Variants in CYP4F2 observed in about 807,000 individuals in gnomAD.
CYP4F2 encodes cytochrome P450 family 4 subfamily F member 2.
In CYP4F2, 58 loss-of-function variants were observed where a neutral mutation model predicts 58.9. The ratio of observed to expected loss-of-function variants is 0.98; its 90% CI spans 0.80 to 1.23. CYP4F2 has a LOEUF of 1.23. Among genes scored for constraint, CYP4F2 ranks in the 50% most tolerant of loss-of-function variants. The pLI is 0.00. For missense variants in CYP4F2, 616 were observed against 685.6 expected (o/e 0.90, Z 1.13); for synonymous variants, 287 against 261.1 (o/e 1.10, Z -0.95).
chr19:15,882,855 T>TA (rs1453031499), intron 9 of CYP4F2, among the ~76,000 whole-genome samples: 1 of 152,202 alleles, frequency 6.6e-6, no homozygotes, highest in African/African-American at 2.4e-5. Flanking sequence ...TTCATATAAA[T>TA]AAAAATCACA....
At chr19:15,893,567 C>G (rs973341129) in intron 3 of CYP4F2, among the ~76,000 whole-genome samples, 2 of 152,138 alleles carry the variant, frequency 1.3e-5, no homozygotes, top group African/African-American at 4.8e-5. Context: ...AGAGACACGC[C>G]CCAGACATGA....
Position 15,878,786 on chromosome 19 carries a change from C to T in CYP4F2, c.1548G>A (p.Val516=), listed in dbSNP as rs1441605299. ...TCTGCAGAACTCAGCTCAGGGGCTC[C>T]ACCCGCAGCCAAAGTCCGCCCTCTG... ...LRAEGGLWLR[V]EPLS is the part of the protein sequence containing the mutation. The change falls in exon 13 of 13, where the codon GTG becomes GTA. Residue 516 remains valine, a synonymous_variant. Coordinates refer to ENST00000221700, the MANE Select transcript of CYP4F2 (RefSeq NM_001082.5). 6.2e-7 allele frequency: 1 copy of T among 1,613,504 alleles called. No individual in the cohort carries two copies. The highest frequency in any genetic ancestry group is 8.5e-7 in the Non-Finnish European group (1 of 1,179,654).
chr19:15,889,834 G>T, intron 6 of CYP4F2, 141 bp from the exon 7 acceptor site: 1 of 1,302,676 alleles, frequency 7.7e-7, no homozygotes, highest in Non-Finnish European at 1.1e-6. Flanking sequence ...ACAGGGTGGG[G>T]ATCAGCATGA....
Position 15,892,577 on chromosome 19 carries a change from T to C in CYP4F2, c.349A>G (p.Ile117Val). The C allele has an allele frequency of 1.2e-6, 2 of 1,613,878 alleles. No individual in the cohort carries two copies. Among genetic ancestry groups the C allele is most frequent in the Non-Finnish European group, 1.7e-6 (2 of 1,179,910 alleles). The change falls in exon 4 of 13, where the codon ATT becomes GTT. Residue 117 changes from isoleucine to valine, a missense_variant. Transcript: ENST00000221700. ...IRSVINASAA[I>V]APKDKFFYSF... The stretch of plus-strand genomic sequence containing the variant: ...TAGAAGAACTTGTCCTTTGGTGCAA[T>C]GGCAGCTGACATAAATGAGGACAAT...
At chr19:15,882,707 A>G (rs1052229306) in intron 9 of CYP4F2, among the ~76,000 whole-genome samples, 1 of 152,314 alleles carries the variant, frequency 6.6e-6, no homozygotes, top group African/African-American at 2.4e-5. Flanking sequence ...TATAATTAAA[A>G]TTTATCAATG....
intron 7 of CYP4F2, among the ~76,000 whole-genome samples, chr19:15,887,755 AACATAG>A (rs1477804462): frequency 6.6e-6 from 1 of 152,096 alleles, no homozygotes; most frequent in African/African-American, 2.4e-5. Context: ...AATACACGTA[AACATAG>A]ACATAGACAC....
chr19:15,887,680 A>G (rs532119099), intron 7 of CYP4F2, among the ~76,000 whole-genome samples: 1 of 152,060 alleles, frequency 6.6e-6, no homozygotes, highest in Non-Finnish European at 1.5e-5. Context: ...ATAGACATAG[A>G]CACAGATATA....
At chr19:15,892,724 G>A (rs1323765544) in intron 3 of CYP4F2, 142 bp from the exon 4 acceptor site, 3 of 1,311,934 alleles carry the variant, frequency 2.3e-6, no homozygotes, top group Non-Finnish European at 3.1e-6. Context: ...GGCAGAGGAA[G>A]AAGGGAGGAT....
At chr19:15,890,796 TCA>T (rs2089411974) in intron 5 of CYP4F2, among the ~76,000 whole-genome samples, 2 of 152,340 alleles carry the variant, frequency 1.3e-5, no homozygotes, top group Non-Finnish European at 2.9e-5. Context: ...CTCGCCATGC[TCA>T]CTTATTAGCT....
chr19:15,889,902 T>G (rs1382683910), intron 6 of CYP4F2, among the ~76,000 whole-genome samples: 7 of 152,158 alleles, frequency 4.6e-5, no homozygotes, highest in African/African-American at 1.7e-4. Flanking sequence ...GATGCCTCCA[T>G]GCCGCTAGGC....
At chr19:15,884,037 C>T (rs1222736534) in intron 9 of CYP4F2, among the ~76,000 whole-genome samples, 5 of 149,236 alleles carry the variant, frequency 3.4e-5, no homozygotes, top group Non-Finnish European at 4.4e-5. Flanking sequence ...TCAGCCTGGG[C>T]GACAGAACAA....
rs2089320311 is a variant in CYP4F2 at position 15,878,615 on chromosome 19, A to G, written c.*156T>C. ...AGGGCCGCCATGAACATTCACGCAC[A>G]AGCGTCTTTCTGTTTGAACACTTGT... On this transcript the variant is annotated 3_prime_UTR_variant, in exon 13 of 13. Coordinates refer to ENST00000221700, the MANE Select transcript of CYP4F2 (RefSeq NM_001082.5). 2 of 1,057,026 alleles carry G rather than the reference A, an allele frequency of 1.9e-6. No individual in the cohort carries two copies. Among genetic ancestry groups the G allele is most frequent in the Non-Finnish European group, 1.3e-6 (1 of 747,600 alleles). 65.5% of individuals were successfully genotyped at this position (1,057,026 alleles called of 1,614,324 possible).
intron 3 of CYP4F2, among the ~76,000 whole-genome samples, chr19:15,892,920 G>A (rs1308289634): frequency 6.6e-6 from 1 of 152,116 alleles, no homozygotes; most frequent in Non-Finnish European, 1.5e-5. Context: ...AAGGACCTAG[G>A]ACACCCTGTC....
Position 15,890,421 on chromosome 19 carries a change from G to T in CYP4F2, c.538C>A (p.Leu180Ile). The T allele has an allele frequency of 6.2e-7, 1 of 1,613,942 alleles. No homozygotes were observed. The highest frequency in any genetic ancestry group is 1.1e-5 in the South Asian group (1 of 91,082). Residue 180 changes from leucine to isoleucine, a missense_variant, in exon 6 of 13, where the codon CTC becomes ATC. Physicochemically the swap from Leu to Ile is conservative, Grantham distance 5. Transcript: ENST00000221700. ...SVNIMHAKWQ[L>I]LASEGSACLD... ...CAGGCACTACCCTCTGAGGCCAGGA[G>T]CTGCCACTTGGCCTAGCCAGAGAAG...
intron 9 of CYP4F2, among the ~76,000 whole-genome samples, chr19:15,884,750 C>T (rs181704832): frequency 8.3e-4 from 126 of 152,306 alleles, no homozygotes; most frequent in Middle Eastern, 3.4e-3. Context: ...CCAAGACATC[C>T]GTCCATTCCA....
intron 2 of CYP4F2, among the ~76,000 whole-genome samples, chr19:15,896,089 C>CA (rs2089446377): frequency 6.6e-6 from 1 of 151,750 alleles, no homozygotes; most frequent in Admixed American, 6.6e-5. Flanking sequence ...TCCATCCATC[C>CA]ATCCATCCAT....
At chr19:15,888,185 T>G (rs1241824043) in intron 7 of CYP4F2, among the ~76,000 whole-genome samples, 2 of 137,054 alleles carry the variant, frequency 1.5e-5, no homozygotes, top group Non-Finnish European at 3.2e-5. Flanking sequence ...TAAACAAACA[T>G]AGACATAGAC....
Position 15,878,651 on chromosome 19 carries a change from T to C in CYP4F2, c.*120A>G. 4 of 1,250,778 alleles carry C rather than the reference T, an allele frequency of 3.2e-6. No homozygotes were observed. The highest frequency in any genetic ancestry group is 4.4e-6 in the Non-Finnish European group (4 of 918,520). 77.5% of individuals were successfully genotyped at this position (1,250,778 alleles called of 1,614,324 possible). A position where few individuals can be genotyped will look rare whatever the true frequency, so the allele number is the denominator to read the frequency against. ...TGTTTGAACACTTGTCTCAATTATT[T>C]TGAGTAGATATCTAGGATGGAATAC... On this transcript the variant is annotated 3_prime_UTR_variant, in exon 13 of 13. Coordinates refer to ENST00000221700, the MANE Select transcript of CYP4F2 (RefSeq NM_001082.5).
intron 5 of CYP4F2, 133 bp from the exon 6 acceptor site, chr19:15,890,566 A>C (rs2089410723): frequency 2.8e-6 from 4 of 1,404,066 alleles, no homozygotes; most frequent in Non-Finnish European, 2.9e-6. Flanking sequence ...CCCAGGGAGC[A>C]CCAGGTTATG....
Sources: gnomAD v4.1 joint callset for allele counts (sites outside exome capture counted in the v4.1 genomes callset) on GRCh38, gnomAD v4.1.1 for gene constraint, MANE v1.5 for transcripts, NCBI Gene and HGNC (gene_info 2026-07-23, HGNC 2026-07-21) for gene names.